The following SNTG1 variants were observed in gnomAD, a reference collection of about 807,000 sequenced individuals.
SNTG1 encodes gamma-1-syntrophin.
In SNTG1, 39 loss-of-function variants were observed where a neutral mutation model predicts 74.7. The ratio of observed to expected loss-of-function variants is 0.52; its 90% CI spans 0.40 to 0.68. The LOEUF (loss-of-function observed/expected upper bound fraction) is 0.68, where lower values mean the gene tolerates loss of function less well. Ranked by LOEUF, SNTG1 falls within the 30% of genes least tolerant of loss-of-function variation. SNTG1 has a pLI of 0.00. For missense variants in SNTG1, 685 were observed against 609.5 expected (o/e 1.12, Z -1.30); for synonymous variants, 254 against 217.1 (o/e 1.17, Z -1.49).
At chr8:50,487,393 A>G (rs574558994) in intron 8 of SNTG1, among the ~76,000 whole-genome samples, 1 of 152,148 alleles carries the variant, frequency 6.6e-6, no homozygotes, top group East Asian at 1.9e-4. Context: ...GCACACGTTT[A>G]TTTATTGTGG....
intron 1 of SNTG1, among the ~76,000 whole-genome samples, chr8:50,004,671 C>A (rs1333254983): frequency 6.6e-6 from 1 of 152,124 alleles, no homozygotes; most frequent in Non-Finnish European, 1.5e-5. Context: ...GGCACGTGAA[C>A]CAATGTGGTC....
chr8:49,998,325 A>G (rs1332349301), intron 1 of SNTG1, among the ~76,000 whole-genome samples: 1 of 152,154 alleles, frequency 6.6e-6, no homozygotes, highest in East Asian at 1.9e-4. Context: ...ATTGTTGTAG[A>G]CTTTATAAAC....
At chr8:50,688,751 G>A (rs2095364117) in intron 15 of SNTG1, among the ~76,000 whole-genome samples, 2 of 152,012 alleles carry the variant, frequency 1.3e-5, no homozygotes. Context: ...CTATTTTTTG[G>A]TTCCATATGA....
chr8:50,451,358 G>A (rs6990475), intron 8 of SNTG1, among the ~76,000 whole-genome samples: 1 of 152,068 alleles, frequency 6.6e-6, no homozygotes, highest in Non-Finnish European at 1.5e-5. Flanking sequence ...CACGGGTGTT[G>A]GTATCCTCTG....
Position 50,530,186 on chromosome 8 carries a change from G to C in SNTG1, c.476G>C (p.Ser159Thr). 1 of 1,613,716 alleles carries C rather than the reference G, an allele frequency of 6.2e-7. No homozygotes were observed. The highest frequency in any genetic ancestry group is 8.5e-7 in the Non-Finnish European group (1 of 1,179,730). The change falls in exon 10 of 19, where the codon AGT (serine) becomes ACT (threonine). Residue 159 changes from serine (S) to threonine (T), a missense_variant. Coordinates refer to ENST00000642720, the MANE Select transcript of SNTG1 (RefSeq NM_018967.5). ...ATTTTGTCTCCTGCAGGTGCTCCAA[G>C]TGACCAGAGCAGTGGCACCTCCTCT... Reference protein sequence around the residue: ...PLNEDCACAPSDQSSGTSSPL... With the variant: ...PLNEDCACAPTDQSSGTSSPL...
chr8:49,990,799 A>G lies in SNTG1; in HGVS notation c.-103+78568A>G, dbSNP rs7003780. Among the ~76,000 whole-genome samples, 217 of 152,266 alleles carry G rather than the reference A, an allele frequency of 1.4e-3. 3 individuals carry two copies. The highest frequency in any genetic ancestry group is 5.0e-3 in the African/African-American group (208 of 41,578). On this transcript the variant is annotated intron_variant, in intron 1 of 18. Transcript: ENST00000642720. ...ACATAACAAACATAACTCAAAATGG[A>G]TCATAAGCATAAATAAGGCCTAAAA...
At chr8:49,992,399 T>G (rs1460346864) in intron 1 of SNTG1, among the ~76,000 whole-genome samples, 1 of 152,218 alleles carries the variant, frequency 6.6e-6, no homozygotes, top group African/African-American at 2.4e-5. Flanking sequence ...CCATTTTACA[T>G]ATTAGGATTT....
intron 1 of SNTG1, among the ~76,000 whole-genome samples, chr8:49,949,258 T>G (rs1809487767): frequency 6.6e-6 from 1 of 152,238 alleles, no homozygotes; most frequent in Non-Finnish European, 1.5e-5. Context: ...CACATTTACA[T>G]GAACACAAGA....
At chr8:50,290,989 C>G (rs558530714) in intron 2 of SNTG1, among the ~76,000 whole-genome samples, 22 of 152,270 alleles carry the variant, frequency 1.4e-4, no homozygotes, top group African/African-American at 5.1e-4. Flanking sequence ...ATCTCCTGAA[C>G]TCAAGCGATG....
intron 2 of SNTG1, among the ~76,000 whole-genome samples, chr8:50,209,891 G>GA (rs2084430615): frequency 6.9e-6 from 1 of 145,834 alleles, no homozygotes; most frequent in African/African-American, 2.8e-5. Flanking sequence ...TGAGTTGAGA[G>GA]AAGAAGACTT....
intron 9 of SNTG1, among the ~76,000 whole-genome samples, chr8:50,525,654 T>C (rs1329831424): frequency 6.6e-6 from 1 of 152,030 alleles, no homozygotes; most frequent in South Asian, 2.1e-4. Flanking sequence ...CTCTAGTGAA[T>C]ATTTCACTTC....
intron 8 of SNTG1, among the ~76,000 whole-genome samples, chr8:50,464,454 T>A (rs2093592283): frequency 6.6e-6 from 1 of 152,120 alleles, no homozygotes; most frequent in South Asian, 2.1e-4. Flanking sequence ...CTAATTTCAA[T>A]AATGTTGTGT....
intron 1 of SNTG1, among the ~76,000 whole-genome samples, chr8:50,107,420 GTC>G (rs2080415325): frequency 6.6e-6 from 1 of 152,038 alleles, no homozygotes; most frequent in East Asian, 1.9e-4. Context: ...AAAGTAAGGT[GTC>G]TTTAAATACT....
At chr8:50,094,377 T>C (rs1303898535) in intron 1 of SNTG1, among the ~76,000 whole-genome samples, 1 of 151,980 alleles carries the variant, frequency 6.6e-6, no homozygotes, top group Non-Finnish European at 1.5e-5. Context: ...AAAGAAACTA[T>C]CAAGAGAGGA....
intron 8 of SNTG1, among the ~76,000 whole-genome samples, chr8:50,496,211 G>A (rs933746403): frequency 3.3e-5 from 5 of 152,200 alleles, no homozygotes; most frequent in Admixed American, 1.3e-4. Flanking sequence ...CTAAGTGACC[G>A]TTTTCCATCA....
intron 8 of SNTG1, among the ~76,000 whole-genome samples, chr8:50,489,112 C>A (rs1322275506): frequency 6.6e-6 from 1 of 152,082 alleles, no homozygotes; most frequent in Non-Finnish European, 1.5e-5. Flanking sequence ...TGAACTCATC[C>A]TTTTTTATGA....
intron 1 of SNTG1, among the ~76,000 whole-genome samples, chr8:49,915,998 C>G (rs551361253): frequency 8.4e-4 from 128 of 152,136 alleles, no homozygotes; most frequent in African/African-American, 3.0e-3. Context: ...TGTAATTTAT[C>G]AACATTTGGT....
intron 8 of SNTG1, among the ~76,000 whole-genome samples, chr8:50,502,271 T>C (rs2093966578): frequency 1.3e-5 from 2 of 152,188 alleles, no homozygotes; most frequent in Non-Finnish European, 2.9e-5. Flanking sequence ...GTCAATTTGC[T>C]TTAATCTGAA....
intron 2 of SNTG1, among the ~76,000 whole-genome samples, chr8:50,222,104 G>C (rs1474392980): frequency 6.6e-6 from 1 of 152,138 alleles, no homozygotes; most frequent in Non-Finnish European, 1.5e-5. Flanking sequence ...GCAGGCAAAA[G>C]CCTGCAAAAG....
Sources: gnomAD v4.1 joint callset for allele counts (sites outside exome capture counted in the v4.1 genomes callset) on GRCh38, gnomAD v4.1.1 for gene constraint, MANE v1.5 for transcripts, NCBI Gene and HGNC (gene_info 2026-07-23, HGNC 2026-07-21) for gene names.